The following TNPO3 variants were observed in gnomAD, a reference collection of about 807,000 sequenced individuals.
The protein encoded by TNPO3 is transportin 3, also known as transportin-3.
In TNPO3, 65 loss-of-function variants were observed where a neutral mutation model predicts 122.8. The observed-to-expected ratio is 0.53, with a 90% CI of 0.43 to 0.65. The LOEUF is 0.65. TNPO3 is among the 30% of genes least tolerant of loss of function. The pLI, the probability that TNPO3 is intolerant of heterozygous loss-of-function variation, is 0.00. For missense variants in TNPO3, 850 were observed against 1,136.7 expected, an observed-to-expected ratio of 0.75 and a Z score of 3.63; for synonymous variants, 372 against 411.2, an observed-to-expected ratio of 0.90 and a Z score of 1.15.
At chr7:128,960,095 T>G (rs1213435127) in intron 21 of TNPO3, among the ~76,000 whole-genome samples, 2 of 152,210 alleles carry the variant, frequency 1.3e-5, no homozygotes, top group African/African-American at 4.8e-5. Flanking sequence ...AATGATGGAC[T>G]GCATGTATGA....
At chr7:129,035,131 G>A (rs1044194346) in intron 1 of TNPO3, among the ~76,000 whole-genome samples, 24 of 151,434 alleles carry the variant, frequency 1.6e-4, no homozygotes, top group Non-Finnish European at 3.1e-4. Context: ...AAAATTAGCC[G>A]GGCGCGGTGG....
intron 1 of TNPO3, among the ~76,000 whole-genome samples, chr7:129,041,148 T>C (rs1807332222): frequency 6.6e-6 from 1 of 151,994 alleles, no homozygotes; most frequent in Admixed American, 6.6e-5. Flanking sequence ...GAGGCTTGCT[T>C]AAGGCCAGGT....
intron 5 of TNPO3, among the ~76,000 whole-genome samples, chr7:129,003,528 T>A (rs1392160850): frequency 6.6e-6 from 1 of 151,568 alleles, no homozygotes; most frequent in African/African-American, 2.4e-5. Flanking sequence ...TAGCCAGGCA[T>A]GGTGGCACAT....
intron 6 of TNPO3, 86 bp downstream of exon 6, chr7:129,000,973 A>C (rs909403794): frequency 6.9e-7 from 1 of 1,446,098 alleles, no homozygotes; most frequent in Non-Finnish European, 9.5e-7. Context: ...GAGAATCACA[A>C]ATGACAGACG....
At chr7:129,004,678 T>C (rs557519263) in intron 5 of TNPO3, among the ~76,000 whole-genome samples, 3 of 152,352 alleles carry the variant, frequency 2.0e-5, no homozygotes, top group Admixed American at 6.5e-5. Flanking sequence ...CATAATTATA[T>C]CATGGAAATG....
chr7:129,019,647 G>C (rs1804237148), intron 1 of TNPO3, among the ~76,000 whole-genome samples: 1 of 152,084 alleles, frequency 6.6e-6, no homozygotes, highest in East Asian at 1.9e-4. Flanking sequence ...CCAGAAGTTT[G>C]ACACTGGCCT....
chr7:128,989,855 C>A lies in TNPO3; in HGVS notation c.1498+106G>T, dbSNP rs561709296. 157 of 1,263,244 alleles carry A rather than the reference C, an allele frequency of 1.2e-4. No individual in the cohort carries two copies. In the South Asian group the frequency reaches 2.2e-3, roughly 18 times the overall value. The allele number at this position is 1,263,244 out of a possible 1,614,324, so 78.3% of individuals were successfully genotyped here. A position where few individuals can be genotyped will look rare whatever the true frequency, so the allele number is the denominator to read the frequency against. On this transcript the variant is annotated intron_variant, in intron 11 of 22. Transcript: ENST00000265388. ...TTTACTCTCAGTTTCTATAAACACT[C>A]CGTGTTAAAAAAACAGAAAGGAAAA...
At chr7:128,990,712 CCAAA>C (rs1362166388) in intron 10 of TNPO3, among the ~76,000 whole-genome samples, 3 of 152,184 alleles carry the variant, frequency 2.0e-5, no homozygotes, top group African/African-American at 7.2e-5. Context: ...TTAAAGTTAA[CCAAA>C]CACTTTCCAT....
At chr7:129,032,903 AAAG>A (rs1328060739) in intron 1 of TNPO3, among the ~76,000 whole-genome samples, 3 of 152,208 alleles carry the variant, frequency 2.0e-5, no homozygotes, top group Non-Finnish European at 4.4e-5. Flanking sequence ...CAATCTTAAA[AAAG>A]AATAATATTG....
intron 11 of TNPO3, 50 bp from the exon 12 acceptor site, chr7:128,986,970 C>T (rs1030782805): frequency 2.6e-6 from 4 of 1,524,946 alleles, no homozygotes; most frequent in South Asian, 1.3e-5. Context: ...TAAAGGAAAA[C>T]TTCTAGTTTA....
intron 1 of TNPO3, among the ~76,000 whole-genome samples, chr7:129,025,135 G>A (rs998785062): frequency 7.3e-5 from 11 of 151,706 alleles, no homozygotes; most frequent in African/African-American, 2.7e-4. Context: ...GATCACCTGA[G>A]GTCAGAAATT....
intron 4 of TNPO3, among the ~76,000 whole-genome samples, chr7:129,006,446 C>T (rs1802580930): frequency 1.3e-5 from 2 of 152,080 alleles, no homozygotes; most frequent in African/African-American, 4.8e-5. Context: ...ACTATAAATA[C>T]TATAAAAGAG....
chr7:129,054,957 T>C lies in TNPO3; in HGVS notation c.-187A>G. ...AAGTTGCCCCCTCGGAAACAGCTAT[T>C]AGGTCGTATTCAGGTTCCTGGCCTT... On this transcript the variant is annotated 5_prime_UTR_variant, in exon 1 of 23. Transcript: ENST00000265388. 2 of 679,818 alleles carry C rather than the reference T, an allele frequency of 2.9e-6. No individual in the cohort carries two copies. The highest frequency in any genetic ancestry group is 4.9e-6 in the Non-Finnish European group (2 of 410,626). The allele number at this position is 679,818 out of a possible 1,614,324, so 42.1% of individuals were successfully genotyped here.
intron 16 of TNPO3, 34 bp downstream of exon 16, chr7:128,978,949 A>G (rs541403180): frequency 1.1e-5 from 17 of 1,611,338 alleles, no homozygotes; most frequent in East Asian, 6.7e-5. Context: ...AATTCTGTAC[A>G]TGGAACACGT....
chr7:129,016,622 T>C (rs1001485173), intron 3 of TNPO3, among the ~76,000 whole-genome samples: 2 of 152,142 alleles, frequency 1.3e-5, no homozygotes, highest in African/African-American at 4.8e-5. Flanking sequence ...CAAACTCCAA[T>C]TAGTAAGAAC....
At position 129,037,870 on chromosome 7, in the gene TNPO3, G is replaced by C. The variant is rs112999632; in HGVS notation, c.120+16781C>G. On this transcript the variant is annotated intron_variant, in intron 1 of 22. Transcript: ENST00000265388. ...ACCATGAGAGGTCTCCTACCACTGA[G>C]AGAAGGGAAAAAAAAACTATTTTGC... 6.9e-3 allele frequency among the ~76,000 whole-genome samples: 1,054 copies of C among 151,992 alleles called. 15 individuals are homozygous for C. The highest frequency in any genetic ancestry group is 0.024 in the African/African-American group (1,016 of 41,470).
intron 20 of TNPO3, among the ~76,000 whole-genome samples, chr7:128,969,659 G>T (rs1798264050): frequency 6.6e-6 from 1 of 152,128 alleles, no homozygotes; most frequent in South Asian, 2.1e-4. Flanking sequence ...GGTGATAAAG[G>T]ATCTGGTTCA....
rs73463035 is a variant in TNPO3, at chr7:128,978,644, T to C, written c.2061+339A>G. Among the ~76,000 whole-genome samples, 325 of 152,312 alleles carry C rather than the reference T, an allele frequency of 2.1e-3. 3 individuals are homozygous for C. Among genetic ancestry groups the C allele is most frequent in the African/African-American group, 7.3e-3 (302 of 41,566 alleles). On this transcript the variant is annotated intron_variant, in intron 16 of 22. Coordinates refer to ENST00000265388, the MANE Select transcript of TNPO3 (RefSeq NM_012470.4). ...TTTCATTTCATCAGCAAAGTTTTTGTTCTAAAGGCTCCTATTTCAAATTCT... is the reference window on the plus strand; with the variant it reads ...TTTCATTTCATCAGCAAAGTTTTTGCTCTAAAGGCTCCTATTTCAAATTCT...
At position 129,001,110 on chromosome 7, in the gene TNPO3, A is replaced by G. The variant is rs866102394; in HGVS notation, c.821T>C (p.Leu274Pro). ...CATATGATAGGCAGTCTCCAATGTC[A>G]GCACTCCCTGAAAAAGTTGCATGGC... Reference protein sequence around the residue: ...PLAMQLFQGVLTLETAYHMAV... With the variant: ...PLAMQLFQGVPTLETAYHMAV... The change falls in exon 6 of 23, where the codon CTG becomes CCG. Residue 274 changes from leucine to proline, a missense_variant. Physicochemically the swap from Leu to Pro is moderately conservative, Grantham distance 98 (BLOSUM62 -3). Transcript: ENST00000265388. 6.2e-7 allele frequency: 1 copy of G among 1,614,190 alleles called. No individual in the cohort carries two copies. Among genetic ancestry groups the G allele is most frequent in the Non-Finnish European group, 8.5e-7 (1 of 1,180,024 alleles).
Sources: allele counts gnomAD v4.1 joint callset (sites outside exome capture counted in the v4.1 genomes callset), GRCh38; gene constraint gnomAD v4.1.1; transcripts MANE v1.5; gene names NCBI Gene and HGNC (gene_info 2026-07-23, HGNC 2026-07-21).